The following CSMD1 variants were observed in gnomAD, a reference collection of about 807,000 sequenced individuals.
CSMD1 encodes the protein CUB and sushi domain-containing protein 1.
Under a neutral mutation model 417.5 loss-of-function variants are expected in CSMD1, and 213 were observed. The ratio of observed to expected loss-of-function variants is 0.51; its 90% CI spans 0.46 to 0.57. The LOEUF (loss-of-function observed/expected upper bound fraction) is 0.57. Among genes scored for constraint, CSMD1 ranks in the 20% least tolerant of loss-of-function variants. CSMD1 has a pLI of 0.00. For synonymous variants in CSMD1, 2,862 were observed against 1,736.8 expected (o/e 1.65, Z -16.11); for missense variants, 6,923 against 4,529.7 (o/e 1.53, Z -15.17).
chr8:3,789,912 C>T (rs1254695448), intron 5 of CSMD1, among the ~76,000 whole-genome samples: 2 of 151,742 alleles, frequency 1.3e-5, no homozygotes, highest in African/African-American at 2.4e-5. Flanking sequence ...TTTGTATTTT[C>T]AGTAGAGACG....
chr8:4,194,361 T>C (rs1293092908), intron 3 of CSMD1, among the ~76,000 whole-genome samples: 1 of 152,164 alleles, frequency 6.6e-6, no homozygotes, highest in Admixed American at 6.5e-5. Context: ...TAATTTGCCA[T>C]GTTGATATTG....
At chr8:4,782,046 T>A (rs551667003) in intron 1 of CSMD1, among the ~76,000 whole-genome samples, 3 of 152,288 alleles carry the variant, frequency 2.0e-5, no homozygotes, top group Admixed American at 6.5e-5. Context: ...TATAGCCCAC[T>A]AAACACCAAT....
At chr8:4,631,977 C>G (rs914340928) in intron 2 of CSMD1, among the ~76,000 whole-genome samples, 1 of 152,136 alleles carries the variant, frequency 6.6e-6, no homozygotes, top group Non-Finnish European at 1.5e-5. Context: ...TAAGGAGTTT[C>G]TCTTAGACCT....
chr8:3,141,504 G>A (rs1179484330), intron 41 of CSMD1, among the ~76,000 whole-genome samples: 1 of 152,140 alleles, frequency 6.6e-6, no homozygotes, highest in African/African-American at 2.4e-5. Flanking sequence ...TGTAAGATTA[G>A]ACATTATGGT....
chr8:3,431,603 A>G (rs1484448164), intron 12 of CSMD1, among the ~76,000 whole-genome samples: 2 of 151,944 alleles, frequency 1.3e-5, no homozygotes, highest in Non-Finnish European at 2.9e-5. Flanking sequence ...TCTCTACTTG[A>G]TTTACCTCAT....
chr8:3,189,559 A>G (rs1001906240), intron 34 of CSMD1, among the ~76,000 whole-genome samples: 3 of 152,228 alleles, frequency 2.0e-5, no homozygotes, highest in African/African-American at 7.2e-5. Flanking sequence ...AAGATTCATC[A>G]GCACCAATTT....
intron 5 of CSMD1, among the ~76,000 whole-genome samples, chr8:3,783,732 C>T (rs1799303193): frequency 6.6e-6 from 1 of 152,326 alleles, no homozygotes; most frequent in Admixed American, 6.5e-5. Flanking sequence ...CTCATTCTTA[C>T]TCCTGCTATT....
At position 2,998,052 on chromosome 8, in the gene CSMD1, C is replaced by T. The variant is rs778214225; in HGVS notation, c.8336G>A (p.Arg2779Gln). The T allele has an allele frequency of 1.7e-5, 27 of 1,613,808 alleles. No homozygotes were observed. The Middle Eastern group carries it at 4.9e-4, about 29-fold the overall frequency. Residue 2779 changes from arginine to glutamine, a missense_variant, in exon 54 of 70, where the codon CGG becomes CAG. Physicochemically the swap from Arg to Gln is conservative, Grantham distance 43 (BLOSUM62 1). Transcript: ENST00000635120. The part of the protein sequence containing the change: ...LLQGVSRAQC[R>Q]SNGQWSSPLP... ...AGGGCTACTCCACTGGCCGTTGCTC[C>T]GACACTGGGCTCGAGACACGCCCTG... is the stretch of plus-strand genomic sequence containing the variant.
Position 3,096,322 on chromosome 8 carries a change from A to G in CSMD1, c.7138+527T>C, listed in dbSNP as rs542119751. The stretch of plus-strand genomic sequence containing the variant: ...TCCCACAATTCCCACCTATCGTGGG[A>G]CAAATCTGGTGGGAGGTAATTGAAT... On this transcript the variant is annotated intron_variant, in intron 47 of 69. Transcript: ENST00000635120. 3.3e-5 allele frequency among the ~76,000 whole-genome samples: 5 copies of G among 152,272 alleles called. No homozygotes were observed. The South Asian group carries it at 1.0e-3, about 32-fold the overall frequency.
intron 10 of CSMD1, among the ~76,000 whole-genome samples, chr8:3,571,286 T>C (rs538377691): frequency 1.3e-5 from 2 of 152,316 alleles, no homozygotes; most frequent in South Asian, 2.1e-4. Context: ...CCTCTGCCCA[T>C]TCCATGGACT....
At chr8:4,392,879 G>A (rs1318758361) in intron 3 of CSMD1, among the ~76,000 whole-genome samples, 2 of 151,934 alleles carry the variant, frequency 1.3e-5, no homozygotes, top group African/African-American at 2.4e-5. Flanking sequence ...TAAGGCAGGA[G>A]AATTGCTTGA....
chr8:4,846,147 C>A (rs1179546398), intron 1 of CSMD1, among the ~76,000 whole-genome samples: 1 of 152,178 alleles, frequency 6.6e-6, no homozygotes. Flanking sequence ...TCCTGTCCTG[C>A]ATACTATTGT....
chr8:3,682,772 G>A (rs113577244), intron 7 of CSMD1, among the ~76,000 whole-genome samples: 1 of 152,170 alleles, frequency 6.6e-6, no homozygotes, highest in East Asian at 1.9e-4. Flanking sequence ...ATTCACAATA[G>A]CAAAGACTTG....
intron 50 of CSMD1, among the ~76,000 whole-genome samples, chr8:3,040,254 C>T (rs1463690846): frequency 6.6e-6 from 1 of 151,888 alleles, no homozygotes; most frequent in East Asian, 1.9e-4. Context: ...CAAACACTCC[C>T]ATCAAAAATA....
chr8:4,627,369 C>T (rs536080679), intron 2 of CSMD1, among the ~76,000 whole-genome samples: 1 of 152,086 alleles, frequency 6.6e-6, no homozygotes, highest in Non-Finnish European at 1.5e-5. Context: ...ATTTATAGCT[C>T]TTTATTGCAT....
At chr8:3,786,814 G>T (rs1799481223) in intron 5 of CSMD1, among the ~76,000 whole-genome samples, 1 of 152,126 alleles carries the variant, frequency 6.6e-6, no homozygotes, top group Non-Finnish European at 1.5e-5. Context: ...AGAGAAGAAG[G>T]AAACAGAATC....
chr8:3,983,306 AT>A (rs1215650474), intron 5 of CSMD1, among the ~76,000 whole-genome samples: 3 of 151,630 alleles, frequency 2.0e-5, no homozygotes, highest in African/African-American at 4.8e-5. Context: ...AATTTTTTGT[AT>A]TTTTAGTAGA....
At chr8:3,657,394 C>A (rs1798183467) in intron 7 of CSMD1, among the ~76,000 whole-genome samples, 2 of 151,976 alleles carry the variant, frequency 1.3e-5, no homozygotes, top group Admixed American at 6.6e-5. Flanking sequence ...TGTATGGTAT[C>A]AAAGGTCTCA....
chr8:4,554,272 G>A (rs1585241918), intron 2 of CSMD1, among the ~76,000 whole-genome samples: 1 of 152,076 alleles, frequency 6.6e-6, no homozygotes, highest in African/African-American at 2.4e-5. Flanking sequence ...GAGTAGCTGA[G>A]ACTACAGGCA....
Sources: gnomAD v4.1 joint callset for allele counts (sites outside exome capture counted in the v4.1 genomes callset) on GRCh38, gnomAD v4.1.1 for gene constraint, MANE v1.5 for transcripts, NCBI Gene and HGNC (gene_info 2026-07-23, HGNC 2026-07-21) for gene names.